Variants in ABHD5 observed in about 807,000 individuals in gnomAD.
The protein encoded by ABHD5 is 1-acylglycerol-3-phosphate O-acyltransferase ABHD5.
In ABHD5, 30 loss-of-function variants were observed where a neutral mutation model predicts 44.9. The ratio of observed to expected loss-of-function variants is 0.67; its 90% CI spans 0.50 to 0.91. The LOEUF (loss-of-function observed/expected upper bound fraction) is 0.91, where lower values mean the gene tolerates loss of function less well. Ranked by LOEUF, ABHD5 falls within the 40% of genes least tolerant of loss-of-function variation. The pLI, the probability that ABHD5 is intolerant of heterozygous loss-of-function variation, is 0.00. For missense variants in ABHD5, 399 were observed against 423.4 expected (o/e 0.94, Z 0.50); for synonymous variants, 167 against 147.0 (o/e 1.14, Z -0.99).
chr3:43,717,187 A>C (rs956218990), intron 5 of ABHD5, among the ~76,000 whole-genome samples: 35 of 133,630 alleles, frequency 2.6e-4, no homozygotes, highest in East Asian at 4.9e-4. Context: ...AAAAAACAAA[A>C]AAAACAAAAA....
chr3:43,716,479 T>C (rs972587387), intron 5 of ABHD5, among the ~76,000 whole-genome samples: 2 of 152,118 alleles, frequency 1.3e-5, no homozygotes, highest in Non-Finnish European at 2.9e-5. Context: ...ATTTCCTCCC[T>C]CACTTTTGGC....
chr3:43,696,509 C>T (rs1328740666), intron 1 of ABHD5, among the ~76,000 whole-genome samples: 1 of 152,084 alleles, frequency 6.6e-6, no homozygotes, highest in African/African-American at 2.4e-5. Flanking sequence ...GGCAAAGGGT[C>T]TCTTTGAAGG....
intron 7 of ABHD5, among the ~76,000 whole-genome samples, chr3:43,729,920 A>G (rs997665578): frequency 2.0e-5 from 3 of 152,216 alleles, no homozygotes; most frequent in Non-Finnish European, 4.4e-5. Context: ...CTTGTTAACT[A>G]TACTGCAAAG....
At chr3:43,710,855 T>C (rs998763858) in intron 3 of ABHD5, among the ~76,000 whole-genome samples, 2 of 152,206 alleles carry the variant, frequency 1.3e-5, no homozygotes, top group African/African-American at 4.8e-5. Flanking sequence ...TTGTTTGGAA[T>C]CTTTATGATG....
chr3:43,715,301 C>T (rs1191728735), intron 5 of ABHD5, among the ~76,000 whole-genome samples: 1 of 152,120 alleles, frequency 6.6e-6, no homozygotes, highest in Non-Finnish European at 1.5e-5. Context: ...GCTGGGATTA[C>T]AGGCATGTGC....
At chr3:43,713,351 AAAG>A (rs1489123205) in intron 4 of ABHD5, among the ~76,000 whole-genome samples, 3 of 151,514 alleles carry the variant, frequency 2.0e-5, no homozygotes, top group African/African-American at 7.3e-5. Flanking sequence ...AAGGAAAAGA[AAAG>A]AAAAAAGAAA....
chr3:43,690,873 G>C, upstream of ABHD5: 2 of 1,141,088 alleles, frequency 1.8e-6, no homozygotes, highest in Non-Finnish European at 2.3e-6. Flanking sequence ...CCGTGCTAGT[G>C]CGCGGAAGAC....
intron 3 of ABHD5, among the ~76,000 whole-genome samples, chr3:43,705,476 T>A (rs780972579): frequency 6.6e-6 from 1 of 152,238 alleles, no homozygotes; most frequent in Non-Finnish European, 1.5e-5. Flanking sequence ...CGTATATACA[T>A]AACATACATG....
chr3:43,699,207 G>C (rs1429369500), intron 1 of ABHD5, 69 bp from the exon 2 acceptor site: 3 of 1,335,174 alleles, frequency 2.2e-6, no homozygotes, highest in Non-Finnish European at 3.2e-6. Context: ...TTTCTTCTGT[G>C]CATGTGACAA....
At chr3:43,726,160 G>A (rs1416005807), downstream of ABHD5, among the ~76,000 whole-genome samples, 2 of 152,116 alleles carry the variant, frequency 1.3e-5, no homozygotes, top group Admixed American at 1.3e-4. Context: ...CACCGCACCA[G>A]GCCTGTTTCC....
chr3:43,719,263 A>G lies in ABHD5; in HGVS notation c.*731A>G, dbSNP rs2084806243. 6.6e-6 allele frequency: 1 copy of G among 152,204 alleles called. No individual in the cohort carries two copies. Among genetic ancestry groups the G allele is most frequent in the African/African-American group, 2.4e-5 (1 of 41,446 alleles). The allele number at this position is 152,204 out of a possible 1,614,324, so 9.4% of individuals were successfully genotyped here. ...TACTCTTCCAAGGAACATGACTTCAATACTTTCAGTGATTCAGGTACTGAA... is the reference window on the plus strand; with the variant it reads ...TACTCTTCCAAGGAACATGACTTCAGTACTTTCAGTGATTCAGGTACTGAA... On this transcript the variant is annotated 3_prime_UTR_variant, in exon 7 of 7. Transcript: ENST00000644371.
intron 7 of ABHD5, among the ~76,000 whole-genome samples, chr3:43,732,051 C>T (rs1356708246): frequency 6.6e-6 from 1 of 151,832 alleles, no homozygotes; most frequent in Non-Finnish European, 1.5e-5. Context: ...CGAGACAAAA[C>T]AAAAAATGAT....
At chr3:43,727,821 C>T (rs2084887914) in intron 7 of ABHD5, among the ~76,000 whole-genome samples, 1 of 152,132 alleles carries the variant, frequency 6.6e-6, no homozygotes, top group Admixed American at 6.5e-5. Context: ...GTTGATCAGG[C>T]TGGTCTTGAA....
At chr3:43,700,162 A>G (rs1030118029) in intron 2 of ABHD5, among the ~76,000 whole-genome samples, 43 of 151,686 alleles carry the variant, frequency 2.8e-4, no homozygotes, top group Non-Finnish European at 4.3e-4. Flanking sequence ...TTTCTTATAA[A>G]ATGAAGGGGT....
intron 3 of ABHD5, 124 bp from the exon 4 acceptor site, chr3:43,711,585 A>G: frequency 9.4e-7 from 1 of 1,059,482 alleles, no homozygotes; most frequent in Non-Finnish European, 1.4e-6. Flanking sequence ...ATTTAGCACT[A>G]ATCTTTAACG....
At chr3:43,703,989 T>G (rs2084581799) in intron 3 of ABHD5, among the ~76,000 whole-genome samples, 1 of 152,050 alleles carries the variant, frequency 6.6e-6, no homozygotes, top group African/African-American at 2.4e-5. Flanking sequence ...GAAATGCAAA[T>G]TTTCTTCTCC....
rs554908983 is a variant in ABHD5, at chr3:43,720,098, G to A, written c.*1566G>A. On this transcript the variant is annotated 3_prime_UTR_variant, in exon 7 of 7. Transcript: ENST00000644371. ...TTGTCTCACTTGTCAGATTAACTAG[G>A]TTAGTGCAGGAAGCAACATGAGCGC... 6.6e-6 allele frequency: 1 copy of A among 152,156 alleles called. No homozygotes were observed. The highest frequency in any genetic ancestry group is 1.5e-5 in the Non-Finnish European group (1 of 68,026). The allele number at this position is 152,156 out of a possible 1,614,324, so 9.4% of individuals were successfully genotyped here.
exon 8 of ABHD5, chr3:43,734,102 T>C (rs562000252): frequency 6.6e-6 from 1 of 152,482 alleles, no homozygotes; most frequent in South Asian, 2.1e-4. Flanking sequence ...CTTGGTGCTC[T>C]TTACGGTGCT....
rs2084836402 is a variant in ABHD5, at chr3:43,721,554, G to T, written c.*3022G>T. 1 of 146,908 alleles carries T rather than the reference G, an allele frequency of 6.8e-6. No individual in the cohort carries two copies. The highest frequency in any genetic ancestry group is 2.5e-5 in the African/African-American group (1 of 39,282). The allele number at this position is 146,908 out of a possible 1,614,324, so 9.1% of individuals were successfully genotyped here. A position where few individuals can be genotyped will look rare whatever the true frequency, so the allele number is the denominator to read the frequency against. ...CCAACCTGGGCAACCTAGTAGGACT[G>T]GCTCTACCAAAAAAAAAAAAAAAAA... On this transcript the variant is annotated 3_prime_UTR_variant, in exon 7 of 7. Transcript: ENST00000644371.
Sources: gnomAD v4.1 joint callset for allele counts (sites outside exome capture counted in the v4.1 genomes callset) on GRCh38, gnomAD v4.1.1 for gene constraint, MANE v1.5 for transcripts, NCBI Gene and HGNC (gene_info 2026-07-23, HGNC 2026-07-21) for gene names.